The following FGF1 variants were observed in gnomAD, a reference collection of about 807,000 sequenced individuals.
FGF1 encodes the protein fibroblast growth factor 1, also known as beta-endothelial cell growth factor.
In FGF1, 9 loss-of-function variants were observed where a neutral mutation model predicts 13.4. The observed-to-expected ratio is 0.67, with a 90% confidence interval of 0.40 to 1.17. FGF1 has a LOEUF of 1.17. FGF1 is among the 50% of genes most tolerant of loss of function. The pLI is 0.01. For synonymous variants in FGF1, 93 were observed against 79.0 expected (o/e 1.18, Z -0.94); for missense variants, 156 against 192.7 (o/e 0.81, Z 1.13).
chr5:142,617,700 A>G (rs1363274099), intron 1 of FGF1, among the ~76,000 whole-genome samples: 1 of 152,224 alleles, frequency 6.6e-6, no homozygotes, highest in Non-Finnish European at 1.5e-5. Context: ...TGAAACTGAC[A>G]GACCATGGTA....
At chr5:142,646,960 A>T (rs996361175) in intron 1 of FGF1, among the ~76,000 whole-genome samples, 1 of 152,194 alleles carries the variant, frequency 6.6e-6, no homozygotes, top group Non-Finnish European at 1.5e-5. Context: ...TCATGGACAG[A>T]TTGGGCATAA....
intron 2 of FGF1, among the ~76,000 whole-genome samples, chr5:142,603,745 G>C (rs748223295): frequency 2.6e-5 from 4 of 152,224 alleles, no homozygotes; most frequent in Non-Finnish European, 5.9e-5. Flanking sequence ...ACCACGTGGA[G>C]AGTTGTAAGG....
intron 1 of FGF1, among the ~76,000 whole-genome samples, chr5:142,645,606 G>A (rs1765893796): frequency 6.6e-6 from 1 of 152,196 alleles, no homozygotes; most frequent in Non-Finnish European, 1.5e-5. Flanking sequence ...GGATAAGTAA[G>A]AAAGACTATC....
chr5:142,686,664 G>A (rs1046938712), upstream of FGF1, among the ~76,000 whole-genome samples: 11 of 152,086 alleles, frequency 7.2e-5, no homozygotes, highest in African/African-American at 2.7e-4. Flanking sequence ...TCTGTGTGTG[G>A]CAACGTGTAT....
chr5:142,601,230 G>A (rs1024210159), intron 2 of FGF1: 2 of 442,618 alleles, frequency 4.5e-6, no homozygotes, highest in South Asian at 3.2e-5. Context: ...CATGTGTTCT[G>A]CTTTCATTAT....
intron 1 of FGF1, among the ~76,000 whole-genome samples, chr5:142,667,871 T>C (rs1770731472): frequency 6.6e-6 from 1 of 152,206 alleles, no homozygotes; most frequent in Non-Finnish European, 1.5e-5. Context: ...AGCCTGACGG[T>C]GACTGTCTTC....
chr5:142,610,344 G>A (rs962768495), intron 2 of FGF1, among the ~76,000 whole-genome samples: 1 of 152,224 alleles, frequency 6.6e-6, no homozygotes, highest in African/African-American at 2.4e-5. Flanking sequence ...TGAGCAATGA[G>A]AGACAAAGTC....
intron 1 of FGF1, among the ~76,000 whole-genome samples, chr5:142,629,877 T>TATTA (rs1309938101): frequency 1.5e-5 from 2 of 137,580 alleles, no homozygotes; most frequent in African/African-American, 5.3e-5. Context: ...TACATATATA[T>TATTA]TATATATATA....
intron 1 of FGF1, among the ~76,000 whole-genome samples, chr5:142,618,167 G>A (rs929252125): frequency 2.6e-5 from 4 of 152,272 alleles, no homozygotes; most frequent in Non-Finnish European, 5.9e-5. Context: ...TTTGGGGTAC[G>A]GGTGAGATTT....
Position 142,653,717 on chromosome 5 carries a change from T to C in FGF1, c.-35+32240A>G, listed in dbSNP as rs557479251. On this transcript the variant is annotated intron_variant, in intron 1 of 3. Transcript: ENST00000337706. Reference sequence around the variant, plus strand: ...GCCTGCCTGTCTTCTACGACACCGGTTGGGGCTTAAATTCTACTTTTATTT... The same window carrying C: ...GCCTGCCTGTCTTCTACGACACCGGCTGGGGCTTAAATTCTACTTTTATTT... 3.3e-5 allele frequency among the ~76,000 whole-genome samples: 5 copies of C among 152,286 alleles called. No individual in the cohort carries two copies. In the South Asian group the frequency reaches 8.3e-4, roughly 25 times the overall value.
intron 2 of FGF1, among the ~76,000 whole-genome samples, chr5:142,610,762 C>A (rs114377761): frequency 0.011 from 1,637 of 152,326 alleles, 18 homozygotes; most frequent in Non-Finnish European, 0.016. Flanking sequence ...TCTCTGCAGG[C>A]TAGAAGTCCA....
chr5:142,641,508 C>A (rs1410675096), intron 1 of FGF1, among the ~76,000 whole-genome samples: 2 of 151,898 alleles, frequency 1.3e-5, no homozygotes, highest in East Asian at 3.8e-4. Context: ...AGCTGAAATT[C>A]ATTTTAAATG....
Position 142,625,809 on chromosome 5 carries a change from T to C in FGF1, c.-34-11648A>G, listed in dbSNP as rs528208377. Among the ~76,000 whole-genome samples the C allele has an allele frequency of 2.6e-5, 4 of 152,362 alleles. No individual in the cohort carries two copies. In the South Asian group the frequency reaches 8.3e-4, roughly 32 times the overall value. ...AATCTGTTGTTGTGCAAGTTACAAT[T>C]TCCAGAACCAGCCTGGCAAGGACAT... On this transcript the variant is annotated intron_variant, in intron 1 of 3. Transcript: ENST00000337706.
At chr5:142,677,835 T>G (rs1293286515) in intron 1 of FGF1, among the ~76,000 whole-genome samples, 3 of 152,142 alleles carry the variant, frequency 2.0e-5, no homozygotes, top group Admixed American at 1.3e-4. Flanking sequence ...GCTTACATTC[T>G]AAGGGAGAGA....
At chr5:142,667,382 C>T (rs1005362270) in intron 1 of FGF1, among the ~76,000 whole-genome samples, 21 of 151,442 alleles carry the variant, frequency 1.4e-4, no homozygotes, top group Non-Finnish European at 1.0e-4. Context: ...GTCAGGAGAT[C>T]GAGACCATCC....
upstream of FGF1, among the ~76,000 whole-genome samples, chr5:142,688,967 A>C (rs573843277): frequency 6.6e-6 from 1 of 152,358 alleles, no homozygotes; most frequent in Admixed American, 6.5e-5. Context: ...AAAATCAGAC[A>C]TATAACTATC....
intron 1 of FGF1, among the ~76,000 whole-genome samples, chr5:142,662,855 C>T (rs1769525996): frequency 6.6e-6 from 1 of 152,012 alleles, no homozygotes; most frequent in South Asian, 2.1e-4. Context: ...GACAGCATCT[C>T]ACTCCCTCAC....
At chr5:142,618,590 G>GA (rs779203257) in intron 1 of FGF1, among the ~76,000 whole-genome samples, 3 of 152,224 alleles carry the variant, frequency 2.0e-5, no homozygotes, top group Non-Finnish European at 4.4e-5. Context: ...TAATTGGTTT[G>GA]AAAATAGAAG....
intron 1 of FGF1, among the ~76,000 whole-genome samples, chr5:142,668,374 G>A (rs774162330): frequency 2.0e-5 from 3 of 152,150 alleles, no homozygotes; most frequent in South Asian, 2.1e-4. Flanking sequence ...AAATGTGGTC[G>A]CTAAAGCTCC....
Sources: allele counts gnomAD v4.1 joint callset (sites outside exome capture counted in the v4.1 genomes callset), GRCh38; gene constraint gnomAD v4.1.1; transcripts MANE v1.5; gene names NCBI Gene and HGNC (gene_info 2026-07-23, HGNC 2026-07-21).